CA12: variants seen among roughly 807,000 people sequenced by gnomAD.
The protein encoded by CA12 is carbonate dehydratase XII.
CA12 carries 36 observed loss-of-function variants against 46.8 expected under a neutral mutation model. The observed-to-expected ratio is 0.77, with a 90% CI of 0.59 to 1.02. The LOEUF is 1.02. Among genes scored for constraint, CA12 ranks in the 50% least tolerant of loss-of-function variants. CA12 has a pLI of 0.00. For missense variants in CA12, 436 were observed against 451.4 expected (o/e 0.97, Z 0.31); for synonymous variants, 202 against 187.0 (o/e 1.08, Z -0.65).
At chr15:63,336,018 A>T (rs2152613301) in intron 8 of CA12, among the ~76,000 whole-genome samples, 1 of 152,284 alleles carries the variant, frequency 6.6e-6, no homozygotes, top group African/African-American at 2.4e-5. Flanking sequence ...AAGCTTCTAT[A>T]ATCAGCCTCC....
rs1029319105 is a variant in CA12, at chr15:63,322,382, TTTAAA to T, written c.*3898_*3902del. On this transcript the variant is annotated 3_prime_UTR_variant, in exon 11 of 11. Coordinates refer to ENST00000178638, the MANE Select transcript of CA12 (RefSeq NM_001218.5). The surrounding 1 kb of genome is among the most constrained non-coding windows in gnomAD (Gnocchi z 4.1). ...ATCTGTTGGATTATCTAAAATTAAA[TTTAAA>T]TTAATGTCACTGGTTTTTTTTTTTT... 4.0e-5 allele frequency: 6 copies of T among 151,538 alleles called. No homozygotes were observed. Among genetic ancestry groups the T allele is most frequent in the East Asian group, 1.9e-4 (1 of 5,196 alleles). 9.4% of individuals were successfully genotyped at this position (151,538 alleles called of 1,614,324 possible).
rs35644376 is a variant in CA12 at position 63,355,550 on chromosome 15, G to A, written c.107-8841C>T. Among the ~76,000 whole-genome samples the A allele has an allele frequency of 0.25, 37,483 of 152,190 alleles. 5,614 individuals are homozygous for A. Among genetic ancestry groups the A allele is most frequent in the East Asian group, 0.59 (3,059 of 5,174 alleles). ...GGCGATGCTGCTGCGGGCTGAGGCT[G>A]AGAAGCGCTGCACTAGACTGTCAGC... On this transcript the variant is annotated intron_variant, in intron 2 of 10. Transcript: ENST00000178638. The surrounding 1 kb of genome is among the most constrained non-coding windows in gnomAD (Gnocchi z 4.1).
intron 1 of CA12, 86 bp downstream of exon 1, chr15:63,381,550 G>T: frequency 1.8e-6 from 2 of 1,089,606 alleles, no homozygotes; most frequent in South Asian, 1.3e-5. Flanking sequence ...CCGCAGCAAT[G>T]ATTTTACTTT....
rs2039079871 is a variant in CA12, at chr15:63,341,527, C to G, written c.525+475G>C. 6.6e-6 allele frequency among the ~76,000 whole-genome samples: 1 copy of G among 152,212 alleles called. No individual in the cohort carries two copies. ...GAACAGTTTCATCCCAAAACCATCT[C>G]CCTCCCTGGTCCATGGTCCGTGGAA... On this transcript the variant is annotated intron_variant, in intron 5 of 10. Transcript: ENST00000178638. The surrounding 1 kb of genome is among the most constrained non-coding windows in gnomAD (Gnocchi z 5.2).
In CA12 at chr15:63,345,665, C is replaced by T. The variant is rs973005192; in HGVS notation, c.287-46G>A. On this transcript the variant is annotated intron_variant, in intron 3 of 10. Transcript: ENST00000178638. This position sits in a 1 kb window ranked among gnomAD's most constrained non-coding sequence, Gnocchi z 4.3. ...GCCTTCAGAGCCCCGGCCAGCTGTG[C>T]ACTGCCAGAGAGCAGTCAGGTAGGC... The T allele has an allele frequency of 5.6e-6, 9 of 1,593,446 alleles. No homozygotes were observed. The highest frequency in any genetic ancestry group is 1.1e-5 in the South Asian group (1 of 89,070).
At chr15:63,381,412 C>T (rs1402133295) in intron 1 of CA12, among the ~76,000 whole-genome samples, 2 of 152,226 alleles carry the variant, frequency 1.3e-5, no homozygotes, top group African/African-American at 4.8e-5. Context: ...TACACGCAAA[C>T]ATTTTAACAC....
chr15:63,361,702 A>T (rs938003113), intron 2 of CA12, among the ~76,000 whole-genome samples: 7 of 152,114 alleles, frequency 4.6e-5, no homozygotes, highest in Non-Finnish European at 1.0e-4. Context: ...TCTCCCTGTC[A>T]GTCGTTCTCT....
At chr15:63,381,541 C>G in intron 1 of CA12, 95 bp downstream of exon 1, 1 of 1,021,082 alleles carries the variant, frequency 9.8e-7, no homozygotes, top group Non-Finnish European at 1.5e-6. Flanking sequence ...CCCTGCTCCC[C>G]GCAGCAATGA....
Position 63,355,689 on chromosome 15 carries a change from C to A in CA12, c.107-8980G>T, listed in dbSNP as rs2039286117. On this transcript the variant is annotated intron_variant, in intron 2 of 10. Transcript: ENST00000178638. This position sits in a 1 kb window ranked among gnomAD's most constrained non-coding sequence, Gnocchi z 4.1. ...AACAACAGCAAACCACTAAGTTAAA[C>A]AAACTGCTGACATGCTAACAACCTA... Among the ~76,000 whole-genome samples, 2 of 152,230 alleles carry A rather than the reference C, an allele frequency of 1.3e-5. No individual in the cohort carries two copies. The highest frequency in any genetic ancestry group is 2.9e-5 in the Non-Finnish European group (2 of 68,042).
At chr15:63,342,118 C>T in intron 4 of CA12, 21 bp from the exon 5 acceptor site, 1 of 1,538,500 alleles carries the variant, frequency 6.5e-7, no homozygotes, top group Non-Finnish European at 9.0e-7. Flanking sequence ...GGAGAAGCCA[C>T]CCATTAGGAG....
At chr15:63,364,332 GAAA>G (rs34673043) in intron 2 of CA12, among the ~76,000 whole-genome samples, 73 of 56,114 alleles carry the variant, frequency 1.3e-3, no homozygotes, top group African/African-American at 4.6e-3. Context: ...CCCGTCACTA[GAAA>G]AAAAAAAAAA....
intron 2 of CA12, among the ~76,000 whole-genome samples, chr15:63,364,334 A>AAAAAAAAAAAAAAAAC (rs2039409341): frequency 7.1e-6 from 1 of 140,740 alleles, no homozygotes; most frequent in Admixed American, 7.2e-5. Context: ...CGTCACTAGA[A>AAAAAAAAAAAAAAAAC]AAAAAAAAAA....
intron 8 of CA12, among the ~76,000 whole-genome samples, chr15:63,334,276 G>A (rs28740825): frequency 1.5e-5 from 1 of 68,440 alleles, no homozygotes; most frequent in Non-Finnish European, 2.3e-5. Flanking sequence ...TTTTTTTTCA[G>A]ATGGAGTATC....
chr15:63,378,265 G>A lies in CA12; in HGVS notation c.86-2587C>T, dbSNP rs1008611953. 2.0e-5 allele frequency among the ~76,000 whole-genome samples: 3 copies of A among 152,196 alleles called. No individual in the cohort carries two copies. Among genetic ancestry groups the A allele is most frequent in the Non-Finnish European group, 4.4e-5 (3 of 68,042 alleles). ...TAGGCAGGCGTGGTGGCGGGTGCCT[G>A]TAATCCCAGCTGCTGGGGAGGCTGA... is the stretch of plus-strand genomic sequence containing the variant. On this transcript the variant is annotated intron_variant, in intron 1 of 10. Transcript: ENST00000178638. This position sits in a 1 kb window ranked among gnomAD's most constrained non-coding sequence, Gnocchi z 4.8.
rs138614396 is a variant in CA12, at chr15:63,331,271, T to G, written c.875-3141A>C. On this transcript the variant is annotated intron_variant, in intron 8 of 10. Transcript: ENST00000178638. This position sits in a 1 kb window ranked among gnomAD's most constrained non-coding sequence, Gnocchi z 5.3. ...GGCAACCAGAGAACTAGAACCTGAG[T>G]GCGAAGCCAAAGCCTGTTTCCCAGC... 6.6e-6 allele frequency among the ~76,000 whole-genome samples: 1 copy of G among 152,216 alleles called. No individual in the cohort carries two copies. Among genetic ancestry groups the G allele is most frequent in the East Asian group, 1.9e-4 (1 of 5,180 alleles).
Position 63,372,740 on chromosome 15 carries a change from A to G in CA12, c.106+2918T>C, listed in dbSNP as rs146085275. 6.6e-6 allele frequency among the ~76,000 whole-genome samples: 1 copy of G among 152,324 alleles called. No individual in the cohort carries two copies. The highest frequency in any genetic ancestry group is 1.5e-5 in the Non-Finnish European group (1 of 68,028). On this transcript the variant is annotated intron_variant, in intron 2 of 10. Coordinates refer to ENST00000178638, the MANE Select transcript of CA12 (RefSeq NM_001218.5). The surrounding 1 kb of genome is among the most constrained non-coding windows in gnomAD (Gnocchi z 4.5). The stretch of plus-strand genomic sequence containing the variant: ...GCCAGCCAGGACCTAAGGAGGAGCT[A>G]GCCAAGACCTCAGGAGGAGTTTGCC...
rs1354513718 is a variant in CA12, at chr15:63,339,342, G to C, written c.748-397C>G. Among the ~76,000 whole-genome samples, 1 of 152,100 alleles carries C rather than the reference G, an allele frequency of 6.6e-6. No individual in the cohort carries two copies. Among genetic ancestry groups the C allele is most frequent in the Non-Finnish European group, 1.5e-5 (1 of 68,030 alleles). ...ACCAGAGGGTCGCAGGGCTTGTTCT[G>C]ATGGTCATATCAGAAGGAATAAAGG... is the stretch of plus-strand genomic sequence containing the variant. On this transcript the variant is annotated intron_variant, in intron 7 of 10. Transcript: ENST00000178638. This position sits in a 1 kb window ranked among gnomAD's most constrained non-coding sequence, Gnocchi z 4.3.
At position 63,327,244 on chromosome 15, in the gene CA12, G is replaced by T. The variant is rs1161440922; in HGVS notation, c.908-11C>A. On this transcript the variant is annotated splice_polypyrimidine_tract_variant and intron_variant, in intron 9 of 10. Transcript: ENST00000178638. The surrounding 1 kb of genome is among the most constrained non-coding windows in gnomAD (Gnocchi z 4.5). ...GTGAGAGGATGATGCCTGGTGAAGA[G>T]GTAGAGGGCACACATTACATTCCTT... 1 of 1,610,256 alleles carries T rather than the reference G, an allele frequency of 6.2e-7. No individual in the cohort carries two copies. Among genetic ancestry groups the T allele is most frequent in the South Asian group, 1.1e-5 (1 of 90,732 alleles).
intron 4 of CA12, among the ~76,000 whole-genome samples, chr15:63,344,477 A>G (rs1567045398): frequency 6.6e-6 from 1 of 152,252 alleles, no homozygotes; most frequent in Non-Finnish European, 1.5e-5. Flanking sequence ...AAGTCTCAAC[A>G]CTGCAATTAG....
Sources: gnomAD v4.1 joint callset for allele counts (sites outside exome capture counted in the v4.1 genomes callset) on GRCh38, gnomAD v4.1.1 for gene constraint, Gnocchi (gnomAD v3.1) non-coding constraint, MANE v1.5 for transcripts, NCBI Gene and HGNC (gene_info 2026-07-23, HGNC 2026-07-21) for gene names.